MAP3K5: variants seen among roughly 807,000 people sequenced by gnomAD.
MAP3K5 encodes the protein ASK-1.
A neutral mutation model predicts 158.7 loss-of-function variants in MAP3K5; 56 were observed. That is an observed-to-expected ratio of 0.35 (90% CI 0.28 to 0.44). MAP3K5 has a LOEUF of 0.44. Ranked by LOEUF, MAP3K5 falls within the 20% of genes least tolerant of loss-of-function variation. MAP3K5 has a pLI of 1.00. For missense variants in MAP3K5, 1,294 were observed against 1,674.8 expected (o/e 0.77, Z 3.97); for synonymous variants, 579 against 601.7 (o/e 0.96, Z 0.55).
intron 1 of MAP3K5, among the ~76,000 whole-genome samples, chr6:136,755,356 G>A (rs1443072682): frequency 6.6e-6 from 1 of 152,000 alleles, no homozygotes; most frequent in Non-Finnish European, 1.5e-5. Context: ...CTCAGACACA[G>A]GGTCTCCTCT....
chr6:136,678,806 A>T (rs752995820), intron 7 of MAP3K5, among the ~76,000 whole-genome samples: 1 of 151,850 alleles, frequency 6.6e-6, no homozygotes, highest in Non-Finnish European at 1.5e-5. Flanking sequence ...GCTCACTGTA[A>T]CCACCGCCTC....
At chr6:136,725,585 T>C (rs551102050) in intron 1 of MAP3K5, among the ~76,000 whole-genome samples, 3 of 152,364 alleles carry the variant, frequency 2.0e-5, no homozygotes, top group African/African-American at 4.8e-5. Context: ...GAATGTTCTT[T>C]ATATTTTCTG....
intron 21 of MAP3K5, 123 bp downstream of exon 21, chr6:136,600,899 C>CG: frequency 1.1e-6 from 1 of 949,076 alleles, no homozygotes; most frequent in South Asian, 1.4e-5. Context: ...TATCTAGTAC[C>CG]GCACCCTCCT....
intron 12 of MAP3K5, among the ~76,000 whole-genome samples, chr6:136,642,051 A>G (rs1299225346): frequency 7.5e-6 from 1 of 132,916 alleles, no homozygotes; most frequent in African/African-American, 3.3e-5. Context: ...AAAATAAAAT[A>G]AAATAAAATA....
chr6:136,685,338 A>C (rs1337152728), intron 7 of MAP3K5, among the ~76,000 whole-genome samples: 3 of 152,034 alleles, frequency 2.0e-5, no homozygotes, highest in Non-Finnish European at 4.4e-5. Context: ...TAATAATAAT[A>C]ATCTAAACCA....
chr6:136,652,920 T>C (rs561209505), intron 10 of MAP3K5, among the ~76,000 whole-genome samples: 3 of 152,364 alleles, frequency 2.0e-5, no homozygotes, highest in South Asian at 4.1e-4. Flanking sequence ...GACCAGGGAA[T>C]GGAGGCAATT....
At chr6:136,764,976 C>T (rs1783901082) in intron 1 of MAP3K5, among the ~76,000 whole-genome samples, 1 of 152,132 alleles carries the variant, frequency 6.6e-6, no homozygotes, top group Admixed American at 6.5e-5. Context: ...TCAGTATTAC[C>T]ATGTGTGTTT....
At chr6:136,600,798 A>G (rs1294992214) in intron 21 of MAP3K5, among the ~76,000 whole-genome samples, 1 of 152,122 alleles carries the variant, frequency 6.6e-6, no homozygotes, top group Non-Finnish European at 1.5e-5. Flanking sequence ...GGGAGAAAAA[A>G]TTTAAGCCAT....
At chr6:136,641,726 C>T (rs1365205201) in intron 12 of MAP3K5, among the ~76,000 whole-genome samples, 2 of 151,256 alleles carry the variant, frequency 1.3e-5, no homozygotes, top group African/African-American at 2.4e-5. Flanking sequence ...GAGTGGCTCA[C>T]ACCTGTAATC....
At chr6:136,771,215 G>A (rs1470865146) in intron 1 of MAP3K5, among the ~76,000 whole-genome samples, 1 of 152,088 alleles carries the variant, frequency 6.6e-6, no homozygotes, top group African/African-American at 2.4e-5. Flanking sequence ...CCAAAGGAAT[G>A]AAACCTAGCT....
chr6:136,678,246 T>C (rs1187585804), intron 7 of MAP3K5, among the ~76,000 whole-genome samples: 1 of 152,186 alleles, frequency 6.6e-6, no homozygotes, highest in Non-Finnish European at 1.5e-5. Flanking sequence ...TGCTTTTATA[T>C]TAAGGATAAA....
At chr6:136,580,538 TTA>T in intron 24 of MAP3K5, 132 bp from the exon 25 acceptor site, 2 of 547,372 alleles carry the variant, frequency 3.7e-6, no homozygotes, top group Non-Finnish European at 6.7e-6. Context: ...TTGTAATTCT[TTA>T]TGTCATTGGA....
chr6:136,752,173 G>A (rs1196700644), intron 1 of MAP3K5, among the ~76,000 whole-genome samples: 1 of 152,152 alleles, frequency 6.6e-6, no homozygotes, highest in Admixed American at 6.6e-5. Context: ...TCCCAGGCAA[G>A]GTTCTAGGCC....
At position 136,720,386 on chromosome 6, in the gene MAP3K5, T is replaced by A. The variant is rs942762599; in HGVS notation, c.588+64A>T. ...ATAAAAGCTACTTAAAATGTTTGGATGACAAACCGGTATCCCTGAAATGCT... is the reference window on the plus strand; with the variant it reads ...ATAAAAGCTACTTAAAATGTTTGGAAGACAAACCGGTATCCCTGAAATGCT... On this transcript the variant is annotated intron_variant, in intron 2 of 29. Transcript: ENST00000359015. 3 of 1,435,142 alleles carry A rather than the reference T, an allele frequency of 2.1e-6. No individual in the cohort carries two copies. In the African/African-American group the frequency reaches 4.3e-5, roughly 21 times the overall value. The allele number at this position is 1,435,142 out of a possible 1,614,324, so 88.9% of individuals were successfully genotyped here.
chr6:136,705,969 G>A lies in MAP3K5; in HGVS notation c.589-836C>T, dbSNP rs118086480. ...TGTTTTTCATTGAGAAATATAATGG[G>A]ATAAATGGCCGGGTGCAGTGGCTCA... On this transcript the variant is annotated intron_variant, in intron 2 of 29. Transcript: ENST00000359015. Among the ~76,000 whole-genome samples, 643 of 152,174 alleles carry A rather than the reference G, an allele frequency of 4.2e-3. 3 individuals are homozygous for A. The highest frequency in any genetic ancestry group is 0.019 in the Admixed American group (291 of 15,284).
At chr6:136,628,674 G>T (rs868845697) in intron 14 of MAP3K5, among the ~76,000 whole-genome samples, 1 of 152,184 alleles carries the variant, frequency 6.6e-6, no homozygotes, top group Non-Finnish European at 1.5e-5. Context: ...AAAAGATTAT[G>T]TATTAGATAT....
chr6:136,608,169 CAGA>C (rs1404318770), intron 18 of MAP3K5, among the ~76,000 whole-genome samples: 3 of 151,776 alleles, frequency 2.0e-5, no homozygotes, highest in African/African-American at 7.3e-5. Context: ...GAGTAAATAA[CAGA>C]AGAAGAGTAG....
chr6:136,676,713 T>C (rs1583399436), intron 7 of MAP3K5, among the ~76,000 whole-genome samples: 1 of 152,222 alleles, frequency 6.6e-6, no homozygotes, highest in East Asian at 1.9e-4. Context: ...ATACTTATTA[T>C]TGCCATATTT....
intron 26 of MAP3K5, among the ~76,000 whole-genome samples, chr6:136,563,649 A>G (rs1005984746): frequency 6.6e-6 from 1 of 152,234 alleles, no homozygotes; most frequent in African/African-American, 2.4e-5. Context: ...TCTTACCCAT[A>G]GAAGGTTCAC....
Sources: allele counts gnomAD v4.1 joint callset (sites outside exome capture counted in the v4.1 genomes callset), GRCh38; gene constraint gnomAD v4.1.1; transcripts MANE v1.5; gene names NCBI Gene and HGNC (gene_info 2026-07-23, HGNC 2026-07-21).